Variants in PYY observed in about 807,000 individuals in gnomAD.
The protein encoded by PYY is peptide tyrosine tyrosine.
A neutral mutation model predicts 10.3 loss-of-function variants in PYY; 12 were observed. The ratio of observed to expected loss-of-function variants is 1.17; its 90% CI spans 0.75 to 1.89. The LOEUF (loss-of-function observed/expected upper bound fraction) is 1.89. Among genes scored for constraint, PYY ranks in the 40% most tolerant of loss-of-function variants. The pLI, the probability that PYY is intolerant of heterozygous loss-of-function variation, is 0.00. For synonymous variants in PYY, 66 were observed against 62.0 expected (o/e 1.06, Z -0.30); for missense variants, 141 against 134.0 (o/e 1.05, Z -0.26).
At chr17:43,953,563 G>T in intron 1 of PYY, 80 bp from the exon 2 acceptor site, 3 of 1,295,324 alleles carry the variant, frequency 2.3e-6, no homozygotes, top group East Asian at 2.5e-5. Context: ...CGTCGGGGCC[G>T]CGCTCCGACG....
At chr17:43,972,176 ATTTAT>A (rs372620054) in intron 1 of PYY, among the ~76,000 whole-genome samples, 9 of 142,168 alleles carry the variant, frequency 6.3e-5, no homozygotes, top group African/African-American at 1.0e-4. Flanking sequence ...TTAGTTATTT[ATTTAT>A]TTTATTTTAT....
rs2048648639 is a variant in PYY, at chr17:43,953,443, A to C, written c.41T>G (p.Val14Gly). ...TAGGCAGACGAGCAGGGCCAGAAGC[A>C]CTGTGGTCAAGGCGGGCCACGGCCT... is the stretch of plus-strand genomic sequence containing the variant. ...VRRPWPALTTVLLALLVCLGA... is the reference protein window; with the variant it reads ...VRRPWPALTTGLLALLVCLGA... The change falls in exon 2 of 4, where the codon GTG becomes GGG. Residue 14 changes from valine to glycine, a missense_variant. Val to Gly is a moderately radical substitution (Grantham distance 109, BLOSUM62 -3). Coordinates refer to ENST00000692052, the MANE Select transcript of PYY (RefSeq NM_001394028.1). The C allele has an allele frequency of 1.2e-6, 2 of 1,611,694 alleles. No individual in the cohort carries two copies. The highest frequency in any genetic ancestry group is 1.7e-6 in the Non-Finnish European group (2 of 1,178,946).
In PYY at chr17:43,965,819, AG is replaced by A. The variant is rs1567928788; in HGVS notation, c.-218+468del. On this transcript the variant is annotated intron_variant, in intron 2 of 6. Transcript: ENST00000360085. ...AAAAAAAAAAAAAAAAAAAAAAAAGAGAGAGAAACAAGTAAAATTATATTTT... is the reference window on the plus strand; with the variant it reads ...AAAAAAAAAAAAAAAAAAAAAAAAGAAGAGAAACAAGTAAAATTATATTTT... 2.5e-3 allele frequency among the ~76,000 whole-genome samples: 301 copies of A among 118,408 alleles called. 11 individuals carry two copies. The highest frequency in any genetic ancestry group is 9.3e-3 in the Middle Eastern group (2 of 216). The allele number at this position is 118,408 out of a possible 152,430, so 77.7% of individuals were successfully genotyped here. A position where few individuals can be genotyped will look rare whatever the true frequency, so the allele number is the denominator to read the frequency against.
In PYY at chr17:43,987,394, A is replaced by G. The variant is rs146838471; in HGVS notation, c.-463+16997T>C. 7.2e-4 allele frequency among the ~76,000 whole-genome samples: 110 copies of G among 152,296 alleles called. No homozygotes were observed. The highest frequency in any genetic ancestry group is 2.2e-3 in the Admixed American group (34 of 15,300). The stretch of plus-strand genomic sequence containing the variant: ...AGCCCTATTCCTCTGGGCCCAGCCC[A>G]TCGCCTCTACCCTGGGACTTCAGCT... On this transcript the variant is annotated intron_variant, in intron 1 of 6. Transcript: ENST00000360085. The surrounding 1 kb of genome is among the most constrained non-coding windows in gnomAD (Gnocchi z 4.0).
intron 1 of PYY, among the ~76,000 whole-genome samples, chr17:43,997,016 GTGA>G (rs772224521): frequency 7.3e-5 from 11 of 150,858 alleles, no homozygotes; most frequent in South Asian, 6.3e-4. Flanking sequence ...TTTTTTTGGG[GTGA>G]TGTTGTTGTT....
At chr17:43,959,916 A>G (rs1394972080) in intron 2 of PYY, among the ~76,000 whole-genome samples, 2 of 152,238 alleles carry the variant, frequency 1.3e-5, no homozygotes. Flanking sequence ...AGGGAGAAAC[A>G]GTTCTGACCT....
At chr17:43,990,542 T>C (rs1008813251) in intron 1 of PYY, among the ~76,000 whole-genome samples, 6 of 151,930 alleles carry the variant, frequency 3.9e-5, no homozygotes, top group African/African-American at 1.5e-4. Context: ...TCTGGGCACT[T>C]GCTGAAATAT....
intron 1 of PYY, among the ~76,000 whole-genome samples, chr17:43,980,612 T>C (rs998875911): frequency 6.6e-6 from 1 of 151,948 alleles, no homozygotes; most frequent in Non-Finnish European, 1.5e-5. Context: ...TAGCTGGGAT[T>C]ACAGGTGCCC....
intron 1 of PYY, among the ~76,000 whole-genome samples, chr17:43,976,054 C>T (rs1231163173): frequency 6.8e-6 from 1 of 146,540 alleles, no homozygotes; most frequent in Non-Finnish European, 1.5e-5. Context: ...ATGTATAATA[C>T]GTATACATGT....
chr17:43,985,025 TGAC>T (rs1254796186), intron 1 of PYY, among the ~76,000 whole-genome samples: 1 of 152,170 alleles, frequency 6.6e-6, no homozygotes, highest in Non-Finnish European at 1.5e-5. Flanking sequence ...TTTATAAATT[TGAC>T]GACATTAAAA....
At chr17:43,953,504 C>T (rs763575463) in intron 1 of PYY, 21 bp from the exon 2 acceptor site, 1 of 1,566,926 alleles carries the variant, frequency 6.4e-7, no homozygotes, top group Non-Finnish European at 8.7e-7. Flanking sequence ...GACATTGGGA[C>T]GTGGGTCATT....
chr17:43,973,137 C>T (rs1217305330), intron 1 of PYY, among the ~76,000 whole-genome samples: 1 of 151,660 alleles, frequency 6.6e-6, no homozygotes, highest in Non-Finnish European at 1.5e-5. Context: ...AGCACTCTGC[C>T]AAAAAAGTCA....
At position 43,978,299 on chromosome 17, in the gene PYY, A is replaced by G. The variant is rs566974815; in HGVS notation, c.-462-11767T>C. Among the ~76,000 whole-genome samples the G allele has an allele frequency of 1.4e-3, 190 of 136,244 alleles. 1 individual carries two copies. The highest frequency in any genetic ancestry group is 5.0e-3 in the African/African-American group (175 of 35,282). The allele number at this position is 136,244 out of a possible 152,430, so 89.4% of individuals were successfully genotyped here. The stretch of plus-strand genomic sequence containing the variant: ...AGAGAGAAGGAAGGAAGGAAGAAGG[A>G]TGGAAGGAAGGAAGGAAGGAAGGGA... On this transcript the variant is annotated intron_variant, in intron 1 of 6. Transcript: ENST00000360085.
intron 1 of PYY, among the ~76,000 whole-genome samples, chr17:43,996,627 G>A (rs2048993896): frequency 6.6e-6 from 1 of 151,854 alleles, no homozygotes; most frequent in African/African-American, 2.4e-5. Context: ...ACCAGACCTG[G>A]CTAATTTCTT....
intron 1 of PYY, among the ~76,000 whole-genome samples, chr17:43,988,714 G>A (rs1011594208): frequency 1.3e-5 from 2 of 151,032 alleles, no homozygotes; most frequent in Non-Finnish European, 2.9e-5. Flanking sequence ...TTTCTTTTTA[G>A]TGGATATTTT....
chr17:43,997,035 T>G (rs1371205509), intron 1 of PYY, among the ~76,000 whole-genome samples: 3 of 150,956 alleles, frequency 2.0e-5, no homozygotes, highest in Non-Finnish European at 4.4e-5. Context: ...TTGTTGTTGT[T>G]TGGTTGTTTT....
At chr17:43,988,277 C>T (rs1216511768) in intron 1 of PYY, among the ~76,000 whole-genome samples, 1 of 152,030 alleles carries the variant, frequency 6.6e-6, no homozygotes, top group African/African-American at 2.4e-5. Flanking sequence ...GAAAACAGGA[C>T]GAAATGGAAT....
At chr17:43,991,937 G>T (rs1177360206) in intron 1 of PYY, among the ~76,000 whole-genome samples, 1 of 151,600 alleles carries the variant, frequency 6.6e-6, no homozygotes, top group East Asian at 2.0e-4. Context: ...TGACTAACAC[G>T]GTGAAACCCC....
intron 1 of PYY, among the ~76,000 whole-genome samples, chr17:43,994,857 G>A (rs1346003722): frequency 2.6e-5 from 4 of 152,222 alleles, no homozygotes; most frequent in Non-Finnish European, 5.9e-5. Flanking sequence ...GCGCTGGCTG[G>A]GGCCGGGGGT....
Sources: allele counts gnomAD v4.1 joint callset (sites outside exome capture counted in the v4.1 genomes callset), GRCh38; gene constraint gnomAD v4.1.1; non-coding constraint Gnocchi (gnomAD v3.1); transcripts MANE v1.5; gene names NCBI Gene and HGNC (gene_info 2026-07-23, HGNC 2026-07-21).